The following AGBL4 variants were observed in gnomAD, a reference collection of about 807,000 sequenced individuals.
AGBL4 encodes cytosolic carboxypeptidase 6.
A neutral mutation model predicts 66.4 loss-of-function variants in AGBL4; 58 were observed. The ratio of observed to expected loss-of-function variants is 0.87; its 90% CI spans 0.71 to 1.09. AGBL4 has a LOEUF of 1.09. Among genes scored for constraint, AGBL4 ranks in the 50% least tolerant of loss-of-function variants. The probability of loss-of-function intolerance (pLI) is 0.00; values close to 1 mark genes in which losing one functional copy is unlikely to be tolerated. For missense variants in AGBL4, 579 were observed against 631.0 expected, an observed-to-expected ratio of 0.92 and a Z score of 0.88; for synonymous variants, 234 against 222.9, an observed-to-expected ratio of 1.05 and a Z score of -0.44.
intron 4 of AGBL4, among the ~76,000 whole-genome samples, chr1:49,096,130 C>G (rs1455084133): frequency 2.6e-5 from 4 of 151,876 alleles, no homozygotes; most frequent in East Asian, 3.9e-4. Flanking sequence ...AAATCAAAAC[C>G]ACAATGAGAT....
chr1:49,514,574 A>G (rs1403935574), intron 3 of AGBL4, among the ~76,000 whole-genome samples: 4 of 151,568 alleles, frequency 2.6e-5, no homozygotes, highest in East Asian at 2.0e-4. Context: ...AGCCTGCATC[A>G]CCAAGTCAAT....
chr1:49,031,224 A>T (rs544592041), intron 5 of AGBL4, among the ~76,000 whole-genome samples: 14 of 152,172 alleles, frequency 9.2e-5, no homozygotes, highest in Non-Finnish European at 2.9e-5. Flanking sequence ...AGTAGCTGGG[A>T]CTACAGGTAC....
intron 3 of AGBL4, among the ~76,000 whole-genome samples, chr1:49,271,854 G>C (rs185034165): frequency 6.6e-6 from 1 of 152,192 alleles, no homozygotes; most frequent in Non-Finnish European, 1.5e-5. Flanking sequence ...AAGAGTCATG[G>C]AAAGGATACT....
At chr1:49,892,209 A>C (rs1357286093) in intron 1 of AGBL4, among the ~76,000 whole-genome samples, 2 of 152,242 alleles carry the variant, frequency 1.3e-5, no homozygotes, top group African/African-American at 2.4e-5. Context: ...AGGACAATTA[A>C]TATCTTTTAA....
intron 6 of AGBL4, among the ~76,000 whole-genome samples, chr1:48,850,856 C>T (rs916715214): frequency 2.6e-5 from 4 of 152,202 alleles, no homozygotes; most frequent in Non-Finnish European, 5.9e-5. Flanking sequence ...GCTGAGAAAT[C>T]AGAAGTTCAT....
chr1:49,965,055 T>C (rs1163577442), intron 1 of AGBL4, among the ~76,000 whole-genome samples: 2 of 152,222 alleles, frequency 1.3e-5, no homozygotes, highest in African/African-American at 4.8e-5. Context: ...GTACATATTG[T>C]ATCCATGATT....
intron 3 of AGBL4, among the ~76,000 whole-genome samples, chr1:49,664,375 T>C (rs912480099): frequency 2.6e-5 from 4 of 152,070 alleles, no homozygotes; most frequent in African/African-American, 9.6e-5. Context: ...ACAGCATAGG[T>C]ATATATTCTT....
chr1:49,053,878 C>T (rs996403309), intron 4 of AGBL4, among the ~76,000 whole-genome samples: 3 of 152,004 alleles, frequency 2.0e-5, no homozygotes, highest in African/African-American at 2.4e-5. Flanking sequence ...TGATAACATG[C>T]CCGCATAAAA....
rs538892124 is a variant in AGBL4 at position 49,831,908 on chromosome 1, A to G, written c.157+19488T>C. Among the ~76,000 whole-genome samples, 3 of 152,038 alleles carry G rather than the reference A, an allele frequency of 2.0e-5. No homozygotes were observed. In the South Asian group the frequency reaches 6.2e-4, roughly 32 times the overall value. On this transcript the variant is annotated intron_variant, in intron 2 of 13. Transcript: ENST00000371839. ...TGGTTCTGTTTATGTGATGAATTAC[A>G]TTTATTAATTTGCATATGTTGAACC... is the stretch of plus-strand genomic sequence containing the variant.
chr1:49,900,447 G>A (rs1210519266), intron 1 of AGBL4, among the ~76,000 whole-genome samples: 3 of 151,950 alleles, frequency 2.0e-5, no homozygotes, highest in African/African-American at 4.8e-5. Context: ...GTTTCTCCAC[G>A]TTGGTCAGGC....
intron 3 of AGBL4, among the ~76,000 whole-genome samples, chr1:49,643,836 T>C (rs1361942579): frequency 8.6e-5 from 13 of 151,644 alleles, no homozygotes. Context: ...AAAGAAGTTA[T>C]TCAGGAAGAA....
chr1:48,758,780 G>T, intron 6 of AGBL4: 2 of 872,852 alleles, frequency 2.3e-6, no homozygotes, highest in Non-Finnish European at 3.3e-6. Flanking sequence ...TAAGCCAAGA[G>T]TCTGTCCTTC....
chr1:49,639,569 T>A (rs1453506160), intron 3 of AGBL4, among the ~76,000 whole-genome samples: 1 of 152,206 alleles, frequency 6.6e-6, no homozygotes, highest in Non-Finnish European at 1.5e-5. Context: ...AAGGAATCCT[T>A]GTTCTTGCTA....
At chr1:49,760,212 T>G (rs1652200743) in intron 2 of AGBL4, among the ~76,000 whole-genome samples, 1 of 152,158 alleles carries the variant, frequency 6.6e-6, no homozygotes, top group Admixed American at 6.5e-5. Context: ...ATCAGATGGG[T>G]AGATTGCAAA....
In AGBL4 at chr1:49,958,195, T is replaced by G. The variant is rs565615314; in HGVS notation, c.34+65568A>C. 9.9e-5 allele frequency among the ~76,000 whole-genome samples: 15 copies of G among 152,208 alleles called. No homozygotes were observed. The South Asian group carries it at 3.1e-3, about 32-fold the overall frequency. ...GAATGTTGAATATTGGCCCCCAGTCTCTTCTGGCTTGTAGAGTTTCTGCCA... is the reference window on the plus strand; with the variant it reads ...GAATGTTGAATATTGGCCCCCAGTCGCTTCTGGCTTGTAGAGTTTCTGCCA... On this transcript the variant is annotated intron_variant, in intron 1 of 13. Transcript: ENST00000371839.
intron 3 of AGBL4, among the ~76,000 whole-genome samples, chr1:49,274,325 G>C (rs1644122465): frequency 6.6e-6 from 1 of 152,034 alleles, no homozygotes; most frequent in African/African-American, 2.4e-5. Context: ...GAATTATATA[G>C]TATGTTATAA....
intron 5 of AGBL4, among the ~76,000 whole-genome samples, chr1:49,003,472 G>A (rs1661547644): frequency 6.6e-6 from 1 of 152,108 alleles, no homozygotes; most frequent in East Asian, 1.9e-4. Context: ...TTAATATGGG[G>A]AGAAGACGAG....
chr1:48,531,196 A>G (rs1643904040), downstream of AGBL4, among the ~76,000 whole-genome samples: 1 of 143,778 alleles, frequency 7.0e-6, no homozygotes, highest in Non-Finnish European at 1.6e-5. Context: ...CCTTATAGCC[A>G]GCTTTTTTTT....
At chr1:48,911,345 T>C in intron 5 of AGBL4, among the ~76,000 whole-genome samples, 1 of 152,040 alleles carries the variant, frequency 6.6e-6, no homozygotes, top group East Asian at 1.9e-4. Flanking sequence ...TGGCCGGGCG[T>C]GGTGGCTCAT....
Sources: allele counts gnomAD v4.1 joint callset (sites outside exome capture counted in the v4.1 genomes callset), GRCh38; gene constraint gnomAD v4.1.1; transcripts MANE v1.5; gene names NCBI Gene and HGNC (gene_info 2026-07-23, HGNC 2026-07-21).